PARVA: variants seen among roughly 807,000 people sequenced by gnomAD.
PARVA encodes the protein alpha-parvin.
Under a neutral mutation model 52.6 loss-of-function variants are expected in PARVA, and 25 were observed. The observed-to-expected ratio is 0.48, with a 90% CI of 0.35 to 0.66. The LOEUF is 0.66. Among genes scored for constraint, PARVA ranks in the 30% least tolerant of loss-of-function variants. The pLI is 0.01. For synonymous variants in PARVA, 185 were observed against 179.1 expected, an observed-to-expected ratio of 1.03 and a Z score of -0.26; for missense variants, 373 against 450.9, an observed-to-expected ratio of 0.83 and a Z score of 1.56.
At chr11:12,448,743 A>G (rs965995098) in intron 1 of PARVA, among the ~76,000 whole-genome samples, 5 of 152,112 alleles carry the variant, frequency 3.3e-5, no homozygotes, top group African/African-American at 1.2e-4. Context: ...TGGGGAGGGG[A>G]TGGAATGGGA....
At chr11:12,479,781 A>AT (rs1203835524) in intron 4 of PARVA, 1 of 152,250 alleles carries the variant, frequency 6.6e-6, no homozygotes, top group Non-Finnish European at 1.5e-5. Flanking sequence ...GTATATATAC[A>AT]TGCCTTATTA....
chr11:12,495,850 C>T (rs1199268131), intron 4 of PARVA, among the ~76,000 whole-genome samples: 8 of 152,132 alleles, frequency 5.3e-5, no homozygotes, highest in Admixed American at 4.6e-4. Context: ...AGTTCATGCC[C>T]GTGGAGACAA....
intron 11 of PARVA, 84 bp from the exon 12 acceptor site, chr11:12,518,361 T>A: frequency 1.0e-6 from 1 of 985,896 alleles, no homozygotes; most frequent in South Asian, 1.3e-5. Flanking sequence ...CTGGCTACAG[T>A]GCTGGGCTCC....
intron 1 of PARVA, among the ~76,000 whole-genome samples, chr11:12,416,743 A>G (rs1940072708): frequency 6.6e-6 from 1 of 151,376 alleles, no homozygotes; most frequent in African/African-American, 2.4e-5. Flanking sequence ...GGAGGCAGAG[A>G]AGGAAGGAAG....
At position 12,527,975 on chromosome 11, in the gene PARVA, C is replaced by T. The variant is rs1446687877; in HGVS notation, c.*50C>T. The T allele has an allele frequency of 7.6e-7, 1 of 1,316,422 alleles. No homozygotes were observed. Among genetic ancestry groups the T allele is most frequent in the Admixed American group, 1.7e-5 (1 of 59,648 alleles). The allele number at this position is 1,316,422 out of a possible 1,614,324, so 81.5% of individuals were successfully genotyped here. On this transcript the variant is annotated 3_prime_UTR_variant, in exon 13 of 13. Transcript: ENST00000334956. ...CCCAAGAGTTCTTGCTGTTGGCGTA[C>T]TGGACCCTCCTCCGAACTGCCTTAC... is the stretch of plus-strand genomic sequence containing the variant.
intron 1 of PARVA, among the ~76,000 whole-genome samples, chr11:12,461,020 G>C (rs1940770343): frequency 6.6e-6 from 1 of 152,158 alleles, no homozygotes; most frequent in African/African-American, 2.4e-5. Context: ...GCGGGATGCA[G>C]CGTCCCCCCC....
At position 12,513,977 on chromosome 11, in the gene PARVA, CTGCTT is replaced by C; in HGVS notation, c.799-14_799-10del. The stretch of plus-strand genomic sequence containing the variant: ...CTAGTGCGAGTCCCCAGCTTAGGGC[CTGCTT>C]TGCTTCTCTTTTAGACACTCATCAC... On this transcript the variant is annotated splice_polypyrimidine_tract_variant and intron_variant, in intron 9 of 12. Coordinates refer to ENST00000334956, the MANE Select transcript of PARVA (RefSeq NM_018222.5). 6.2e-7 allele frequency: 1 copy of C among 1,611,304 alleles called. No individual in the cohort carries two copies. Among genetic ancestry groups the C allele is most frequent in the Non-Finnish European group, 8.5e-7 (1 of 1,177,586 alleles).
chr11:12,478,176 C>T (rs961266433), intron 4 of PARVA: 3 of 618,988 alleles, frequency 4.8e-6, no homozygotes, highest in Non-Finnish European at 9.0e-6. Flanking sequence ...GGGCCTGCTC[C>T]TTCTAGCAGC....
intron 4 of PARVA, chr11:12,479,307 CT>C (rs201466678): frequency 0.16 from 22,956 of 147,420 alleles, 1,788 homozygotes; most frequent in East Asian, 0.23. Context: ...AGTACTGTCA[CT>C]TTTTTTTTTT....
In PARVA at chr11:12,457,018, A is replaced by G. The variant is rs564835244; in HGVS notation, c.137-16727A>G. On this transcript the variant is annotated intron_variant, in intron 1 of 12. Transcript: ENST00000334956. ...AGTTTCTTATGGCCTTTGCCACTCT[A>G]TGCTTATATTGTGCGTGTTTATTTT... Among the ~76,000 whole-genome samples the G allele has an allele frequency of 1.1e-4, 16 of 152,274 alleles. 1 individual carries two copies. Among genetic ancestry groups the G allele is most frequent in the South Asian group, 8.3e-4 (4 of 4,824 alleles).
At chr11:12,473,672 A>G in intron 1 of PARVA, 73 bp from the exon 2 acceptor site, 1 of 1,104,452 alleles carries the variant, frequency 9.1e-7, no homozygotes, top group Non-Finnish European at 1.3e-6. Flanking sequence ...AATATCGAAC[A>G]CCCTTGTTAC....
intron 1 of PARVA, among the ~76,000 whole-genome samples, chr11:12,439,122 C>G (rs1055869541): frequency 3.3e-5 from 5 of 152,136 alleles, no homozygotes; most frequent in Admixed American, 6.5e-5. Flanking sequence ...CAGAGGAGAC[C>G]ACTAGTTCTG....
chr11:12,499,796 G>A (rs1941344042), intron 5 of PARVA, among the ~76,000 whole-genome samples: 1 of 152,036 alleles, frequency 6.6e-6, no homozygotes, highest in South Asian at 2.1e-4. Context: ...GTAATAAGTA[G>A]TGTATAATAT....
intron 4 of PARVA, among the ~76,000 whole-genome samples, chr11:12,489,517 A>C (rs1262363418): frequency 6.6e-6 from 1 of 152,208 alleles, no homozygotes; most frequent in African/African-American, 2.4e-5. Context: ...TGCAACATAC[A>C]TAGCTAACTG....
chr11:12,413,257 C>T (rs1462938778), intron 1 of PARVA, among the ~76,000 whole-genome samples: 1 of 152,152 alleles, frequency 6.6e-6, no homozygotes, highest in African/African-American at 2.4e-5. Context: ...CAGATTCTGT[C>T]CAGCTTCAAG....
intron 4 of PARVA, among the ~76,000 whole-genome samples, chr11:12,485,601 A>G (rs899703803): frequency 1.3e-5 from 2 of 152,248 alleles, no homozygotes; most frequent in African/African-American, 4.8e-5. Flanking sequence ...CCCAAAGTCT[A>G]AATACCCTTA....
intron 1 of PARVA, among the ~76,000 whole-genome samples, chr11:12,468,126 A>G (rs1940880150): frequency 6.6e-6 from 1 of 152,144 alleles, no homozygotes; most frequent in Middle Eastern, 3.2e-3. Context: ...ATCCAAAGTT[A>G]GCCTTGTTCT....
chr11:12,526,462 T>C (rs949447943), intron 12 of PARVA, among the ~76,000 whole-genome samples: 2 of 152,202 alleles, frequency 1.3e-5, no homozygotes, highest in African/African-American at 4.8e-5. Flanking sequence ...ACAGTTGTTT[T>C]TTAATCATTT....
At chr11:12,519,085 G>A (rs58958636) in intron 12 of PARVA, among the ~76,000 whole-genome samples, 3 of 152,352 alleles carry the variant, frequency 2.0e-5, no homozygotes, top group East Asian at 1.9e-4. Flanking sequence ...GAGGAGGCAC[G>A]CTTCTCTTAG....
Sources: gnomAD v4.1 joint callset for allele counts (sites outside exome capture counted in the v4.1 genomes callset) on GRCh38, gnomAD v4.1.1 for gene constraint, MANE v1.5 for transcripts, NCBI Gene and HGNC (gene_info 2026-07-23, HGNC 2026-07-21) for gene names.